SCAPER: variants seen among roughly 807,000 people sequenced by gnomAD.
The protein encoded by SCAPER is S phase cyclin A-associated protein in the endoplasmic reticulum.
In SCAPER, 98 loss-of-function variants were observed where a neutral mutation model predicts 182.2. The observed-to-expected ratio is 0.54, with a 90% CI of 0.46 to 0.64. The LOEUF (loss-of-function observed/expected upper bound fraction) is 0.64. Among genes scored for constraint, SCAPER ranks in the 30% least tolerant of loss-of-function variants. The pLI is 0.00. For missense variants in SCAPER, 1,432 were observed against 1,690.0 expected (o/e 0.85, Z 2.68); for synonymous variants, 605 against 564.6 (o/e 1.07, Z -1.01).
intron 24 of SCAPER, among the ~76,000 whole-genome samples, chr15:76,487,310 C>A (rs2051747813): frequency 6.8e-6 from 1 of 148,000 alleles, no homozygotes; most frequent in Non-Finnish European, 1.5e-5. Context: ...GTAACAAAAT[C>A]CATGTTCCCC....
At chr15:76,357,633 G>A (rs1244768912) in intron 29 of SCAPER, among the ~76,000 whole-genome samples, 1 of 152,144 alleles carries the variant, frequency 6.6e-6, no homozygotes, top group Non-Finnish European at 1.5e-5. Flanking sequence ...ATACTCACAC[G>A]TGTATGTTTA....
chr15:76,717,995 C>T (rs1245951996), intron 17 of SCAPER, among the ~76,000 whole-genome samples: 1 of 152,122 alleles, frequency 6.6e-6, no homozygotes, highest in African/African-American at 2.4e-5. Context: ...CCACATGGAT[C>T]ATTATCCAGG....
At chr15:76,438,864 C>T (rs948406300) in intron 25 of SCAPER, among the ~76,000 whole-genome samples, 2 of 152,104 alleles carry the variant, frequency 1.3e-5, no homozygotes, top group South Asian at 2.1e-4. Context: ...CAGTGTTTTT[C>T]GCTTGGAACC....
At chr15:76,495,989 GAGAGACACACACACACACACACACACAC>G (rs1356587749) in intron 24 of SCAPER, among the ~76,000 whole-genome samples, 2 of 105,466 alleles carry the variant, frequency 1.9e-5, no homozygotes, top group Non-Finnish European at 4.1e-5. Context: ...AAGCAAAAGA[GAGAGACACACACACACACACACACACAC>G]ACACACACAC....
chr15:76,522,599 AAGAC>A (rs1386434288), intron 23 of SCAPER, among the ~76,000 whole-genome samples: 5 of 152,142 alleles, frequency 3.3e-5, no homozygotes, highest in Admixed American at 6.6e-5. Context: ...TTTTTACACT[AAGAC>A]AGAGTAGTAA....
intron 24 of SCAPER, among the ~76,000 whole-genome samples, chr15:76,490,222 T>A (rs1162568414): frequency 6.6e-6 from 1 of 152,234 alleles, no homozygotes; most frequent in Admixed American, 6.5e-5. Flanking sequence ...GAATCTATAC[T>A]GTTTTCCATA....
chr15:76,383,894 C>T (rs1304994752), intron 27 of SCAPER, among the ~76,000 whole-genome samples: 1 of 151,916 alleles, frequency 6.6e-6, no homozygotes, highest in African/African-American at 2.4e-5. Context: ...CTTGTATTGT[C>T]GAGGGGAGAT....
intron 21 of SCAPER, among the ~76,000 whole-genome samples, chr15:76,626,527 G>A (rs1319589374): frequency 1.3e-5 from 2 of 152,084 alleles, no homozygotes; most frequent in African/African-American, 2.4e-5. Context: ...GACCAGCCTG[G>A]CCAACATGGC....
chr15:76,509,399 G>A (rs2041850428), intron 23 of SCAPER, among the ~76,000 whole-genome samples: 1 of 152,106 alleles, frequency 6.6e-6, no homozygotes, highest in Admixed American at 6.6e-5. Context: ...ATGGTATCTT[G>A]TTTGAGGTAT....
chr15:76,838,826 A>T (rs1003362750), intron 5 of SCAPER, among the ~76,000 whole-genome samples: 1 of 152,226 alleles, frequency 6.6e-6, no homozygotes, highest in African/African-American at 2.4e-5. Flanking sequence ...CCGGAGAAGA[A>T]GATGCCAATC....
intron 8 of SCAPER, among the ~76,000 whole-genome samples, chr15:76,789,924 G>C (rs1050455332): frequency 6.6e-6 from 1 of 152,094 alleles, no homozygotes; most frequent in Non-Finnish European, 1.5e-5. Flanking sequence ...ATAATATTTT[G>C]TTTAAAATAT....
chr15:76,413,629 C>T (rs769395272), intron 26 of SCAPER, among the ~76,000 whole-genome samples: 5 of 152,172 alleles, frequency 3.3e-5, no homozygotes, highest in African/African-American at 1.2e-4. Context: ...GTTATGTTGG[C>T]TGTCCAGTAT....
At chr15:76,774,572 T>C (rs1231547694) in intron 9 of SCAPER, among the ~76,000 whole-genome samples, 4 of 152,210 alleles carry the variant, frequency 2.6e-5, no homozygotes, top group Non-Finnish European at 4.4e-5. Flanking sequence ...TAAAGGTGAA[T>C]GCTTATGATG....
chr15:76,827,340 TGGA>T lies in SCAPER; in HGVS notation c.393+14391_393+14393del, dbSNP rs572737927. 2.2e-3 allele frequency among the ~76,000 whole-genome samples: 337 copies of T among 152,338 alleles called. 1 individual carries two copies. Among genetic ancestry groups the T allele is most frequent in the African/African-American group, 7.8e-3 (323 of 41,578 alleles). On this transcript the variant is annotated intron_variant, in intron 5 of 31. Transcript: ENST00000563290. ...TCTCCACTTGGAATCCCATAGCCTG[TGGA>T]CTCGGTCCTGAGGACTCAGCTTTCT...
chr15:76,778,643 ATGTGTG>A (rs60597958), intron 8 of SCAPER, among the ~76,000 whole-genome samples: 6 of 148,630 alleles, frequency 4.0e-5, no homozygotes, highest in Admixed American at 2.0e-4. Context: ...GTGTGAGTGT[ATGTGTG>A]TGTGTGTGTG....
At chr15:76,834,231 C>G (rs1671536784) in intron 5 of SCAPER, among the ~76,000 whole-genome samples, 2 of 152,092 alleles carry the variant, frequency 1.3e-5, no homozygotes, top group East Asian at 1.9e-4. Flanking sequence ...AATTAAGCAA[C>G]CTGCTCATGA....
In SCAPER at chr15:76,804,652, A is replaced by C. The variant is rs2066021716; in HGVS notation, c.394-19T>G. ...GCACCTCCTAAAAGAAACAAAACAAAAAAAAATTAAATTCCAGTCTGAGAC... is the reference window on the plus strand; with the variant it reads ...GCACCTCCTAAAAGAAACAAAACAACAAAAAATTAAATTCCAGTCTGAGAC... On this transcript the variant is annotated intron_variant, in intron 5 of 31. Coordinates refer to ENST00000563290, the MANE Select transcript of SCAPER (RefSeq NM_020843.4). 9 of 1,505,952 alleles carry C rather than the reference A, an allele frequency of 6.0e-6. No homozygotes were observed. The highest frequency in any genetic ancestry group is 7.2e-6 in the Non-Finnish European group (8 of 1,109,546). 93.3% of individuals were successfully genotyped at this position (1,505,952 alleles called of 1,614,324 possible). A position where few individuals can be genotyped will look rare whatever the true frequency, so the allele number is the denominator to read the frequency against.
At chr15:76,530,432 C>T (rs148613032) in intron 23 of SCAPER, among the ~76,000 whole-genome samples, 204 of 152,254 alleles carry the variant, frequency 1.3e-3, no homozygotes, top group African/African-American at 4.9e-3. Context: ...ACCCTGTAAA[C>T]CATGTTCTGA....
chr15:76,748,700 G>C (rs2061937878), intron 15 of SCAPER, among the ~76,000 whole-genome samples: 1 of 151,460 alleles, frequency 6.6e-6, no homozygotes, highest in South Asian at 2.1e-4. Flanking sequence ...ATTTTGAACA[G>C]AGATTTTTTC....
Sources: allele counts gnomAD v4.1 joint callset (sites outside exome capture counted in the v4.1 genomes callset), GRCh38; gene constraint gnomAD v4.1.1; transcripts MANE v1.5; gene names NCBI Gene and HGNC (gene_info 2026-07-23, HGNC 2026-07-21).